MAPKAPK2: variants seen among roughly 807,000 people sequenced by gnomAD.
MAPKAPK2 encodes the protein MAP kinase-activated protein kinase 2.
In MAPKAPK2, 9 loss-of-function variants were observed where a neutral mutation model predicts 48.8. The observed-to-expected ratio is 0.18, with a 90% CI of 0.11 to 0.32. The LOEUF (loss-of-function observed/expected upper bound fraction) is 0.32. Among genes scored for constraint, MAPKAPK2 ranks in the 10% least tolerant of loss-of-function variants. The probability of loss-of-function intolerance (pLI) is 1.00; values close to 1 mark genes in which losing one functional copy is unlikely to be tolerated. For missense variants in MAPKAPK2, 331 were observed against 498.3 expected, an observed-to-expected ratio of 0.66 and a Z score of 3.20; for synonymous variants, 202 against 190.6, an observed-to-expected ratio of 1.06 and a Z score of -0.49.
In MAPKAPK2 at chr1:206,732,026, C is replaced by T; in HGVS notation, c.1059+107C>T. ...GGTAGGGGAGAGCTTGATTCTGCCT[C>T]TCTCATCCCAGGGGTGTCTTCATGA... On this transcript the variant is annotated intron_variant, in intron 9 of 9. Coordinates refer to ENST00000367103, the MANE Select transcript of MAPKAPK2 (RefSeq NM_032960.4). This position sits in a 1 kb window ranked among gnomAD's most constrained non-coding sequence, Gnocchi z 4.4. 1 of 1,614,146 alleles carries T rather than the reference C, an allele frequency of 6.2e-7. No homozygotes were observed. Among genetic ancestry groups the T allele is most frequent in the Non-Finnish European group, 8.5e-7 (1 of 1,180,034 alleles).
intron 1 of MAPKAPK2, among the ~76,000 whole-genome samples, chr1:206,686,975 G>T (rs2102369254): frequency 6.6e-6 from 1 of 152,306 alleles, no homozygotes; most frequent in Middle Eastern, 3.4e-3. Flanking sequence ...ACTCATAACT[G>T]AAGGGAAAGG....
At chr1:206,726,165 A>T (rs1673695571) in intron 1 of MAPKAPK2, among the ~76,000 whole-genome samples, 1 of 152,120 alleles carries the variant, frequency 6.6e-6, no homozygotes, top group Admixed American at 6.5e-5. Flanking sequence ...GTGGGGTATC[A>T]CTTGAGACCA....
intron 1 of MAPKAPK2, among the ~76,000 whole-genome samples, chr1:206,695,450 GTTT>G (rs797043593): frequency 8.1e-6 from 1 of 122,994 alleles, no homozygotes; most frequent in Admixed American, 8.2e-5. Flanking sequence ...GCCCTGATCT[GTTT>G]TTTTTTTTTT....
chr1:206,718,104 AAAG>A (rs1398303147), intron 1 of MAPKAPK2, among the ~76,000 whole-genome samples: 3 of 152,244 alleles, frequency 2.0e-5, no homozygotes, highest in Non-Finnish European at 4.4e-5. Context: ...AAAATATGCA[AAAG>A]AAGAAAATGT....
chr1:206,729,404 G>A lies in MAPKAPK2; in HGVS notation c.493G>A (p.Glu165Lys), dbSNP rs772956044. 7 of 1,613,766 alleles carry A rather than the reference G, an allele frequency of 4.3e-6. No homozygotes were observed. The highest frequency in any genetic ancestry group is 3.3e-5 in the Admixed American group (2 of 60,030). Reference sequence around the variant, plus strand: ...TTCCCTCCCCTCTACAGAAGCATCCGAAATCATGAAGAGCATCGGTGAGGC... The same window carrying A: ...TTCCCTCCCCTCTACAGAAGCATCCAAAATCATGAAGAGCATCGGTGAGGC... ...DQAFTEREAS[E>K]IMKSIGEAIQ... The change falls in exon 4 of 10, where the codon GAA becomes AAA. Residue 165 changes from glutamate to lysine, a missense_variant. By Grantham distance (56) the Glu-to-Lys change is moderately conservative. Coordinates refer to ENST00000367103, the MANE Select transcript of MAPKAPK2 (RefSeq NM_032960.4).
At chr1:206,729,503 G>A (rs782084264) in intron 4 of MAPKAPK2, 28 bp downstream of exon 4, 10 of 1,598,616 alleles carry the variant, frequency 6.3e-6, no homozygotes, top group African/African-American at 4.0e-5. Context: ...CCCTGAGCCC[G>A]AGTGCTGTGG....
chr1:206,695,902 C>T (rs782619802), intron 1 of MAPKAPK2: 115 of 609,752 alleles, frequency 1.9e-4, no homozygotes, highest in South Asian at 1.0e-3. Flanking sequence ...TCAATCTGTC[C>T]GATCTTCATA....
At chr1:206,712,962 T>TCACTCACACACACACA (rs1553429740) in intron 1 of MAPKAPK2, among the ~76,000 whole-genome samples, 2 of 112,230 alleles carry the variant, frequency 1.8e-5, no homozygotes, top group Admixed American at 9.3e-5. Context: ...TGAGACTCCA[T>TCACTCACACACACACA]CACACACACA....
chr1:206,720,587 G>A (rs1194173712), intron 1 of MAPKAPK2, among the ~76,000 whole-genome samples: 2 of 152,166 alleles, frequency 1.3e-5, no homozygotes, highest in African/African-American at 4.8e-5. Context: ...ATGAACTTCT[G>A]ACTTCAAGTA....
Position 206,726,213 on chromosome 1 carries a change from G to T in MAPKAPK2, c.280-2497G>T, listed in dbSNP as rs183860868. On this transcript the variant is annotated intron_variant, in intron 1 of 9. Transcript: ENST00000367103. ...CAGCCTGGCCAACATGGCGAAACCC[G>T]GTCTCTACTAAAAATACCAAAAAAT... is the stretch of plus-strand genomic sequence containing the variant. Among the ~76,000 whole-genome samples the T allele has an allele frequency of 5.3e-5, 8 of 152,044 alleles. No individual in the cohort carries two copies. The East Asian group carries it at 1.5e-3, about 29-fold the overall frequency.
chr1:206,718,172 G>T (rs894871219), intron 1 of MAPKAPK2, among the ~76,000 whole-genome samples: 3 of 152,160 alleles, frequency 2.0e-5, no homozygotes, highest in African/African-American at 7.2e-5. Context: ...AGGTGTGTTT[G>T]CTTCTTGTCT....
intron 1 of MAPKAPK2, among the ~76,000 whole-genome samples, chr1:206,713,418 G>A (rs1482581622): frequency 1.3e-5 from 2 of 152,202 alleles, no homozygotes; most frequent in Non-Finnish European, 2.9e-5. Context: ...GTGGATAGGA[G>A]CTAGGGAAGA....
Position 206,685,493 on chromosome 1 carries a change from G to A in MAPKAPK2, c.264G>A (p.Glu88=), listed in dbSNP as rs1672257790. The A allele has an allele frequency of 6.5e-7, 1 of 1,532,858 alleles. No individual in the cohort carries two copies. Among genetic ancestry groups the A allele is most frequent in the Admixed American group, 1.9e-5 (1 of 53,430 alleles). 95.0% of individuals were successfully genotyped at this position (1,532,858 alleles called of 1,614,324 possible). ...VLQIFNKRTQ[E]KFALKMLQDC... The stretch of plus-strand genomic sequence containing the variant: ...AGATCTTCAACAAGAGGACCCAGGA[G>A]AAATTCGCCCTCAAAGTAGGTCTGG... Residue 88 remains glutamate (E), a synonymous_variant, in exon 1 of 10, where the codon GAG becomes GAA. Coordinates refer to ENST00000367103, the MANE Select transcript of MAPKAPK2 (RefSeq NM_032960.4).
intron 1 of MAPKAPK2, among the ~76,000 whole-genome samples, chr1:206,699,379 C>G (rs1198161126): frequency 6.6e-6 from 1 of 152,150 alleles, no homozygotes; most frequent in African/African-American, 2.4e-5. Context: ...GAGGATACTT[C>G]ATGGACATAT....
intron 1 of MAPKAPK2, among the ~76,000 whole-genome samples, chr1:206,727,722 C>T (rs1019281800): frequency 9.2e-5 from 14 of 152,078 alleles, no homozygotes; most frequent in African/African-American, 2.9e-4. Context: ...TCAGGGTTCA[C>T]GCCATTCTCC....
At position 206,732,871 on chromosome 1, in the gene MAPKAPK2, G is replaced by A; in HGVS notation, c.*153G>A. The A allele has an allele frequency of 1.1e-6, 1 of 916,872 alleles. No homozygotes were observed. Among genetic ancestry groups the A allele is most frequent in the South Asian group, 1.9e-5 (1 of 53,952 alleles). The allele number at this position is 916,872 out of a possible 1,614,324, so 56.8% of individuals were successfully genotyped here. Reference sequence around the variant, plus strand: ...GCATCAGTGACTGAATTCTGCCTTGGTTCTGGCCACCCCAGAGTGGGAGAG... The same window carrying A: ...GCATCAGTGACTGAATTCTGCCTTGATTCTGGCCACCCCAGAGTGGGAGAG... On this transcript the variant is annotated 3_prime_UTR_variant, in exon 10 of 10. Transcript: ENST00000367103. This position sits in a 1 kb window ranked among gnomAD's most constrained non-coding sequence, Gnocchi z 4.4.
In MAPKAPK2 at chr1:206,706,132, A is replaced by ATTTT. The variant is rs1166353742; in HGVS notation, c.279+20627_279+20628insTTTT. 2.0e-5 allele frequency among the ~76,000 whole-genome samples: 3 copies of ATTTT among 150,380 alleles called. No homozygotes were observed. In the East Asian group the frequency reaches 5.9e-4, roughly 30 times the overall value. ...CTATCTCTTATTTATTTATTTATTT[A>ATTTT]TTTATTTATTTATTTATTTATTTAT... On this transcript the variant is annotated intron_variant, in intron 1 of 9. Coordinates refer to ENST00000367103, the MANE Select transcript of MAPKAPK2 (RefSeq NM_032960.4).
intron 1 of MAPKAPK2, among the ~76,000 whole-genome samples, chr1:206,711,241 T>A (rs1673130484): frequency 6.6e-6 from 1 of 152,180 alleles, no homozygotes; most frequent in Non-Finnish European, 1.5e-5. Context: ...TCATGGAAGT[T>A]TTTTTTGTTT....
At chr1:206,709,516 C>T (rs1010923217) in intron 1 of MAPKAPK2, among the ~76,000 whole-genome samples, 7 of 152,114 alleles carry the variant, frequency 4.6e-5, no homozygotes, top group Admixed American at 6.5e-5. Flanking sequence ...TTGGCAGCCA[C>T]GTCATGGCAT....
Sources: allele counts gnomAD v4.1 joint callset (sites outside exome capture counted in the v4.1 genomes callset), GRCh38; gene constraint gnomAD v4.1.1; non-coding constraint Gnocchi (gnomAD v3.1); transcripts MANE v1.5; gene names NCBI Gene and HGNC (gene_info 2026-07-23, HGNC 2026-07-21).